The following R3HDML variants were observed in gnomAD, a reference collection of about 807,000 sequenced individuals.
R3HDML encodes peptidase inhibitor R3HDML.
In R3HDML, 21 loss-of-function variants were observed where a neutral mutation model predicts 24.2. That is an observed-to-expected ratio of 0.87 (90% CI 0.62 to 1.25). The LOEUF is 1.25. R3HDML is among the 50% of genes most tolerant of loss of function. The probability of loss-of-function intolerance (pLI) is 0.00; values close to 1 mark genes in which losing one functional copy is unlikely to be tolerated. For synonymous variants in R3HDML, 133 were observed against 131.5 expected, an observed-to-expected ratio of 1.01 and a Z score of -0.08; for missense variants, 301 against 340.3, an observed-to-expected ratio of 0.88 and a Z score of 0.91.
Position 44,343,463 on chromosome 20 carries a change from A to G in R3HDML, c.467A>G (p.His156Arg). 1 of 1,612,882 alleles carries G rather than the reference A, an allele frequency of 6.2e-7. No individual in the cohort carries two copies. The highest frequency in any genetic ancestry group is 1.1e-5 in the South Asian group (1 of 90,798). The change falls in exon 3 of 5, where the codon CAC (histidine) becomes CGC (arginine). Residue 156 changes from histidine to arginine, a missense_variant. Coordinates refer to ENST00000217043, the MANE Select transcript of R3HDML (RefSeq NM_178491.4). ...LFPAPRDCNP[H>R]CPWRCDGPTC... ...CCGGCCCCAAGGGACTGTAACCCAC[A>G]CTGCCCCTGGCGCTGCGATGGCCCC...
intron 2 of R3HDML, 88 bp from the exon 3 acceptor site, chr20:44,343,289 G>T (rs1600600154): frequency 6.7e-7 from 1 of 1,498,414 alleles, no homozygotes; most frequent in African/African-American, 1.4e-5. Flanking sequence ...AGGAAGCAAA[G>T]TGATCACCCA....
intron 4 of R3HDML, among the ~76,000 whole-genome samples, chr20:44,345,829 C>CTTTCTTTTTTTTTTTTTTTTTTTTTTT (rs1428987914): frequency 1.3e-4 from 19 of 147,770 alleles, no homozygotes; most frequent in South Asian, 2.1e-4. Context: ...TTCTTTCTTT[C>CTTTCTTTTTTTTTTTTTTTTTTTTTTT]TTTTTTTTGA....
At position 44,337,446 on chromosome 20, in the gene R3HDML, C is replaced by A. The variant is rs756871059; in HGVS notation, c.261+28C>A. On this transcript the variant is annotated intron_variant, in intron 1 of 4. Coordinates refer to ENST00000217043, the MANE Select transcript of R3HDML (RefSeq NM_178491.4). The surrounding 1 kb of genome is among the most constrained non-coding windows in gnomAD (Gnocchi z 4.7). ...GAGTCCCCGTACCTGCCCCCCACCC[C>A]CCGCAGTGTCCCTTCCGGCAAACGC... 4.4e-6 allele frequency: 7 copies of A among 1,596,154 alleles called. No homozygotes were observed. Among genetic ancestry groups the A allele is most frequent in the South Asian group, 1.1e-5 (1 of 89,646 alleles).
chr20:44,347,246 T>C (rs1600602522), intron 4 of R3HDML, among the ~76,000 whole-genome samples: 1 of 151,014 alleles, frequency 6.6e-6, no homozygotes, highest in Admixed American at 6.6e-5. Context: ...GGGGACGAGG[T>C]CTTGCTCTGT....
At position 44,339,579 on chromosome 20, in the gene R3HDML, A is replaced by ATGTGTGTGTGTGTGTG. The variant is rs140076477; in HGVS notation, c.262-1605_262-1590dup. On this transcript the variant is annotated intron_variant, in intron 1 of 4. Transcript: ENST00000217043. ...AATATGCTGCCATTTGCCTATATAT[A>ATGTGTGTGTGTGTGTG]TGTGTGTGTGTGTGTGTGTGTGTGT... 9.5e-5 allele frequency among the ~76,000 whole-genome samples: 14 copies of ATGTGTGTGTGTGTGTG among 148,026 alleles called. No homozygotes were observed. In the East Asian group the frequency reaches 2.8e-3, roughly 30 times the overall value.
rs749449372 is a variant in R3HDML, at chr20:44,343,378, T to A, written c.382T>A (p.Tyr128Asn). 36 of 1,608,654 alleles carry A rather than the reference T, an allele frequency of 2.2e-5. No individual in the cohort carries two copies. Among genetic ancestry groups the A allele is most frequent in the Non-Finnish European group, 3.1e-5 (36 of 1,177,798 alleles). The change falls in exon 3 of 5, where the codon TAC becomes AAC. Residue 128 changes from tyrosine (Y) to asparagine (N), a missense_variant and splice_region_variant. By Grantham distance (143) the Tyr-to-Asn change is moderately radical (BLOSUM62 -2). Coordinates refer to ENST00000217043, the MANE Select transcript of R3HDML (RefSeq NM_178491.4). ...CTTCCGTGTCCCCCGCCTCCCCAGG[T>A]ACCGGTCCGTAGTGGATCTCATGAA... ...GQNLSIHSGQYRSVVDLMKSW... is the reference protein window; with the variant it reads ...GQNLSIHSGQNRSVVDLMKSW...
chr20:44,342,536 T>C (rs1042645081), intron 2 of R3HDML, among the ~76,000 whole-genome samples: 1 of 152,184 alleles, frequency 6.6e-6, no homozygotes, highest in South Asian at 2.1e-4. Context: ...AAGAAAGCAG[T>C]GTTAGACACG....
Position 44,350,726 on chromosome 20 carries a change from TC to T in R3HDML, c.697del (p.Gln233LysfsTer13). 8 of 1,614,086 alleles carry T rather than the reference TC, an allele frequency of 5.0e-6. No homozygotes were observed. The highest frequency in any genetic ancestry group is 6.8e-6 in the Non-Finnish European group (8 of 1,180,028). ...KPCSSCPPSYQGSCNSNMCFK... is the reference protein window; with the variant it reads ...KPCSSCPPSYXGSCNSNMCFK... ...CGTGCTCCTCCTGTCCCCCCAGTTA[TC>T]AAGGCAGCTGCAATAGCAACATGTG... On this transcript the variant is annotated frameshift_variant, in exon 5 of 5. Transcript: ENST00000217043. LOFTEE classifies it low-confidence loss of function (END_TRUNC).
rs1467897410 is a variant in R3HDML at position 44,350,759 on chromosome 20, G to A, written c.729G>A (p.Lys243=). The part of the protein sequence containing the change: ...QGSCNSNMCF[K]GLKSNKFTWF ...GCTGCAATAGCAACATGTGCTTCAA[G>A]GGGCTGAAATCCAACAAGTTCACGT... The change falls in exon 5 of 5, where the codon AAG becomes AAA. Residue 243 remains lysine, a synonymous_variant. Transcript: ENST00000217043. 1.2e-6 allele frequency: 2 copies of A among 1,614,070 alleles called. No homozygotes were observed. The highest frequency in any genetic ancestry group is 1.7e-6 in the Non-Finnish European group (2 of 1,179,990).
At position 44,343,413 on chromosome 20, in the gene R3HDML, TGAG is replaced by T; in HGVS notation, c.421_423del (p.Glu141del). 1 of 1,613,092 alleles carries T rather than the reference TGAG, an allele frequency of 6.2e-7. No homozygotes were observed. On this transcript the variant is annotated inframe_deletion, in exon 3 of 5. Coordinates refer to ENST00000217043, the MANE Select transcript of R3HDML (RefSeq NM_178491.4). ...TAGTGGATCTCATGAAGTCCTGGTC[TGAG>T]GAGAAGTGGCATTACTTGTTTCCGG...
intron 4 of R3HDML, among the ~76,000 whole-genome samples, chr20:44,348,520 T>TTTCCTTTCC (rs1555804779): frequency 1.1e-5 from 1 of 87,340 alleles, no homozygotes; most frequent in Non-Finnish European, 2.7e-5. Context: ...CTTTCCTTTC[T>TTTCCTTTCC]TTTCTTCTGT....
At chr20:44,345,536 G>A (rs781676982) in intron 4 of R3HDML, among the ~76,000 whole-genome samples, 158 bp downstream of exon 4, 1 of 152,086 alleles carries the variant, frequency 6.6e-6, no homozygotes, top group Non-Finnish European at 1.5e-5. Context: ...GAGCATGGTG[G>A]CTCACGCCTG....
chr20:44,339,581 GTGTGTGTGTGTGTGTGTGTGTGTGTC>G (rs1380044512), intron 1 of R3HDML, among the ~76,000 whole-genome samples: 1 of 124,380 alleles, frequency 8.0e-6, no homozygotes, highest in East Asian at 2.0e-4. Context: ...CTATATATAT[GTGTGTGTGTGTGTGTGTGTGTGTGTC>G]TGTGTGTGTG....
intron 4 of R3HDML, among the ~76,000 whole-genome samples, chr20:44,346,898 T>A (rs147587170): frequency 1.6e-4 from 25 of 152,264 alleles, no homozygotes; most frequent in African/African-American, 5.3e-4. Flanking sequence ...TCCCAGCACT[T>A]TGGGGGGCTG....
Position 44,337,661 on chromosome 20 carries a change from AG to A in R3HDML, c.261+245del, listed in dbSNP as rs1408427092. 6.6e-6 allele frequency among the ~76,000 whole-genome samples: 1 copy of A among 152,206 alleles called. No individual in the cohort carries two copies. The highest frequency in any genetic ancestry group is 2.4e-5 in the African/African-American group (1 of 41,454). Reference sequence around the variant, plus strand: ...GAGTCAGGCATGTGACTACTATGTAAGGAGCACCACTGTGCGCCAGGCACTG... The same window carrying A: ...GAGTCAGGCATGTGACTACTATGTAAGAGCACCACTGTGCGCCAGGCACTG... On this transcript the variant is annotated intron_variant, in intron 1 of 4. Transcript: ENST00000217043. The surrounding 1 kb of genome is among the most constrained non-coding windows in gnomAD (Gnocchi z 4.7).
intron 4 of R3HDML, among the ~76,000 whole-genome samples, chr20:44,348,843 A>T (rs1049903210): frequency 3.9e-5 from 6 of 152,032 alleles, no homozygotes; most frequent in Non-Finnish European, 8.8e-5. Flanking sequence ...CTGCTCACAG[A>T]ATTTAAGGAT....
At chr20:44,349,857 G>A (rs1195286847) in intron 4 of R3HDML, among the ~76,000 whole-genome samples, 1 of 151,840 alleles carries the variant, frequency 6.6e-6, no homozygotes, top group African/African-American at 2.4e-5. Context: ...ATCACTTGAG[G>A]TCAGGAGTTC....
chr20:44,337,385 T>G lies in R3HDML; in HGVS notation c.228T>G (p.Ser76Arg), dbSNP rs1884612. 1.9e-6 allele frequency: 3 copies of G among 1,613,898 alleles called. No individual in the cohort carries two copies. The highest frequency in any genetic ancestry group is 2.5e-6 in the Non-Finnish European group (3 of 1,179,894). Residue 76 changes from serine to arginine, a missense_variant, in exon 1 of 5, where the codon AGT becomes AGG. By Grantham distance (110) the Ser-to-Arg change is moderately radical. Transcript: ENST00000217043. The surrounding 1 kb of genome is among the most constrained non-coding windows in gnomAD (Gnocchi z 4.7). The stretch of plus-strand genomic sequence containing the variant: ...ATTATCACAACCACATCCGGGCCAG[T>G]GTGTACCCACCTGCCGCCAACATGG... ...LLDYHNHIRA[S>R]VYPPAANMEY... is the part of the protein sequence containing the mutation.
chr20:44,348,473 TTTCCCTTTC>T lies in R3HDML; in HGVS notation c.630-2185_630-2177del, dbSNP rs1471672792. ...TCCTTTCCCTTTTCCCCTTTCTCCT[TTTCCCTTTC>T]TCCTTTCCTTTCCTTTCCTTTCCTT... On this transcript the variant is annotated intron_variant, in intron 4 of 4. Coordinates refer to ENST00000217043, the MANE Select transcript of R3HDML (RefSeq NM_178491.4). Among the ~76,000 whole-genome samples the T allele has an allele frequency of 8.0e-3, 1,137 of 142,098 alleles. 10 individuals carry two copies. The highest frequency in any genetic ancestry group is 0.015 in the South Asian group (63 of 4,314). The allele number at this position is 142,098 out of a possible 152,430, so 93.2% of individuals were successfully genotyped here. A position where few individuals can be genotyped will look rare whatever the true frequency, so the allele number is the denominator to read the frequency against.
Sources: gnomAD v4.1 joint callset for allele counts (sites outside exome capture counted in the v4.1 genomes callset) on GRCh38, gnomAD v4.1.1 for gene constraint, Gnocchi (gnomAD v3.1) non-coding constraint, MANE v1.5 for transcripts, NCBI Gene and HGNC (gene_info 2026-07-23, HGNC 2026-07-21) for gene names.